The following ARHGEF3 variants were observed in gnomAD, a reference collection of about 807,000 sequenced individuals.
ARHGEF3 encodes the protein 59.8 kDA protein.
ARHGEF3 carries 28 observed loss-of-function variants against 63.2 expected under a neutral mutation model. The ratio of observed to expected loss-of-function variants is 0.44; its 90% CI spans 0.33 to 0.61. The LOEUF is 0.61. Among genes scored for constraint, ARHGEF3 ranks in the 20% least tolerant of loss-of-function variants. The pLI, the probability that ARHGEF3 is intolerant of heterozygous loss-of-function variation, is 0.03. For synonymous variants in ARHGEF3, 266 were observed against 254.2 expected, an observed-to-expected ratio of 1.05 and a Z score of -0.44; for missense variants, 533 against 659.3, an observed-to-expected ratio of 0.81 and a Z score of 2.10.
chr3:56,989,796 C>T (rs551232463), intron 2 of ARHGEF3, among the ~76,000 whole-genome samples: 12 of 152,322 alleles, frequency 7.9e-5, no homozygotes, highest in South Asian at 4.1e-4. Context: ...TCAGACTTTA[C>T]GCACGGGAGC....
rs180920644 is a variant in ARHGEF3, at chr3:56,906,333, C to A, written c.130-23979G>T. On this transcript the variant is annotated intron_variant, in intron 3 of 12. Transcript: ENST00000338458. Reference sequence around the variant, plus strand: ...CGGAGCAGATAGAAAACATTTCTGTCGTCACAAGAAGCACTTACTGGTGCT... The same window carrying A: ...CGGAGCAGATAGAAAACATTTCTGTAGTCACAAGAAGCACTTACTGGTGCT... Among the ~76,000 whole-genome samples, 53 of 152,292 alleles carry A rather than the reference C, an allele frequency of 3.5e-4. 1 individual carries two copies. Among genetic ancestry groups the A allele is most frequent in the Admixed American group, 3.2e-3 (49 of 15,288 alleles).
At chr3:56,845,317 G>T (rs2039451907) in intron 4 of ARHGEF3, among the ~76,000 whole-genome samples, 2 of 152,180 alleles carry the variant, frequency 1.3e-5, no homozygotes, top group African/African-American at 2.4e-5. Context: ...AATGTGTGTT[G>T]TTTTAAGACT....
At chr3:56,836,068 C>T (rs914290762) in intron 4 of ARHGEF3, among the ~76,000 whole-genome samples, 15 of 152,164 alleles carry the variant, frequency 9.9e-5, no homozygotes, top group Non-Finnish European at 1.0e-4. Context: ...CAAGGTATCC[C>T]GTTCACATCT....
chr3:56,785,603 T>G (rs988415580), intron 1 of ARHGEF3, among the ~76,000 whole-genome samples: 9 of 152,232 alleles, frequency 5.9e-5, no homozygotes, highest in Non-Finnish European at 1.3e-4. Context: ...TCCTCTCTCT[T>G]TCTCATCCAT....
At chr3:56,971,238 GAGA>G (rs1322556839) in intron 2 of ARHGEF3, among the ~76,000 whole-genome samples, 2 of 152,162 alleles carry the variant, frequency 1.3e-5, no homozygotes, top group Admixed American at 1.3e-4. Context: ...GAGAGAGACA[GAGA>G]AGAACATGCA....
At chr3:56,967,711 T>G (rs1264634602) in intron 2 of ARHGEF3, among the ~76,000 whole-genome samples, 1 of 89,572 alleles carries the variant, frequency 1.1e-5, no homozygotes, top group Non-Finnish European at 1.9e-5. Flanking sequence ...CATTATATTA[T>G]ATATAACATA....
chr3:56,729,511 GC>G lies in ARHGEF3; in HGVS notation c.1339del (p.Ala447ProfsTer22). On this transcript the variant is annotated frameshift_variant, in exon 10 of 10. Coordinates refer to ENST00000296315, the MANE Select transcript of ARHGEF3 (RefSeq NM_019555.3). LOFTEE classifies it high-confidence loss of function. ...KQQWLNCIRQ[A>X]KETVLCAAGQ... ...GGCAGCACACAAAACTGTTTCTTTG[GC>G]TTGACGAATACAGTTAAGCCACTGC... is the stretch of plus-strand genomic sequence containing the variant. 1 of 1,614,160 alleles carries G rather than the reference GC, an allele frequency of 6.2e-7. No homozygotes were observed. The highest frequency in any genetic ancestry group is 8.5e-7 in the Non-Finnish European group (1 of 1,180,022).
chr3:57,075,193 C>T (rs977182352), intron 1 of ARHGEF3: 1 of 167,242 alleles, frequency 6.0e-6, no homozygotes, highest in Admixed American at 6.5e-5. Context: ...CCAGCTCTGC[C>T]TCCATCCCAT....
At chr3:56,860,185 T>A (rs1439335099) in intron 4 of ARHGEF3, among the ~76,000 whole-genome samples, 2 of 152,156 alleles carry the variant, frequency 1.3e-5, no homozygotes, top group Non-Finnish European at 2.9e-5. Context: ...ATTTTTTATT[T>A]TTATTTTTTA....
At chr3:56,801,005 C>A (rs770512973) in intron 1 of ARHGEF3, among the ~76,000 whole-genome samples, 20 of 152,246 alleles carry the variant, frequency 1.3e-4, no homozygotes, top group Non-Finnish European at 2.2e-4. Context: ...TCCTTCACAT[C>A]GCCCGCAAGG....
rs1560116629 is a variant in ARHGEF3, at chr3:56,995,666, A to AGAGAGAGG, written c.63-36778_63-36777insCCTCTCTC. ...GAGAGAGAGAGAGAGAGAGAGAGAG[A>AGAGAGAGG]GAGAGAATTTTTTTTAACCTGGTCT... On this transcript the variant is annotated intron_variant, in intron 2 of 12. Transcript: ENST00000338458. Among the ~76,000 whole-genome samples, 9 of 127,116 alleles carry AGAGAGAGG rather than the reference A, an allele frequency of 7.1e-5. 1 individual carries two copies. Among genetic ancestry groups the AGAGAGAGG allele is most frequent in the Non-Finnish European group, 5.2e-5 (3 of 57,864 alleles). The allele number at this position is 127,116 out of a possible 152,430, so 83.4% of individuals were successfully genotyped here. A position where few individuals can be genotyped will look rare whatever the true frequency, so the allele number is the denominator to read the frequency against.
chr3:56,952,887 T>G (rs962230089), intron 3 of ARHGEF3, among the ~76,000 whole-genome samples: 15 of 152,302 alleles, frequency 9.8e-5, no homozygotes, highest in Admixed American at 5.9e-4. Context: ...ACGTCTAACC[T>G]CCTTTGAGGA....
chr3:56,923,042 A>ATG, intron 3 of ARHGEF3, among the ~76,000 whole-genome samples: 2 of 11,044 alleles, frequency 1.8e-4, no homozygotes, highest in African/African-American at 4.6e-4. Flanking sequence ...ATATATATAT[A>ATG]TATATATATA....
At chr3:56,986,668 A>C (rs1156900069) in intron 2 of ARHGEF3, among the ~76,000 whole-genome samples, 3 of 151,644 alleles carry the variant, frequency 2.0e-5, no homozygotes, top group Non-Finnish European at 4.4e-5. Context: ...ACTGCACAAA[A>C]CCCCCCAACA....
intron 2 of ARHGEF3, among the ~76,000 whole-genome samples, chr3:56,757,413 G>T (rs907161610): frequency 3.3e-5 from 5 of 152,042 alleles, no homozygotes; most frequent in Non-Finnish European, 7.4e-5. Flanking sequence ...GGCGGAGATT[G>T]CAGTGAGCCA....
intron 8 of ARHGEF3, among the ~76,000 whole-genome samples, chr3:56,735,504 A>C (rs1056994672): frequency 6.6e-6 from 1 of 152,194 alleles, no homozygotes; most frequent in Non-Finnish European, 1.5e-5. Flanking sequence ...TGCCTGCAAT[A>C]AAAACTAGAG....
At chr3:56,823,518 T>C (rs898638228) in intron 4 of ARHGEF3, among the ~76,000 whole-genome samples, 2 of 152,178 alleles carry the variant, frequency 1.3e-5, no homozygotes, top group African/African-American at 2.4e-5. Flanking sequence ...AAGACACATC[T>C]GACTGGCTCC....
At chr3:57,002,497 GTTATATATA>G (rs372614594) in intron 2 of ARHGEF3, among the ~76,000 whole-genome samples, 3,765 of 13,656 alleles carry the variant, frequency 0.28, 221 homozygotes, top group South Asian at 0.36. Flanking sequence ...ATATATATAT[GTTATATATA>G]TATATATGTT....
chr3:56,901,439 CATACT>C (rs2041504409), intron 3 of ARHGEF3, among the ~76,000 whole-genome samples: 1 of 150,416 alleles, frequency 6.6e-6, no homozygotes, highest in Non-Finnish European at 1.5e-5. Context: ...CATATATATA[CATACT>C]GTATATATAT....
Sources: gnomAD v4.1 joint callset for allele counts (sites outside exome capture counted in the v4.1 genomes callset) on GRCh38, gnomAD v4.1.1 for gene constraint, MANE v1.5 for transcripts, NCBI Gene and HGNC (gene_info 2026-07-23, HGNC 2026-07-21) for gene names.